Variants in MYH1 observed in about 807,000 individuals in gnomAD.
MYH1 encodes myosin heavy chain 1.
A neutral mutation model predicts 225.6 loss-of-function variants in MYH1; 214 were observed. The ratio of observed to expected loss-of-function variants is 0.95; its 90% confidence interval spans 0.85 to 1.06. The LOEUF (loss-of-function observed/expected upper bound fraction) is 1.06, where lower values mean the gene tolerates loss of function less well. Among genes scored for constraint, MYH1 ranks in the 50% least tolerant of loss-of-function variants. MYH1 has a pLI of 0.00. For synonymous variants in MYH1, 774 were observed against 842.3 expected (o/e 0.92, Z 1.40); for missense variants, 2,098 against 2,344.2 (o/e 0.89, Z 2.17).
chr17:10,515,471 A>G (rs1440367138), intron 5 of MYH1, among the ~76,000 whole-genome samples: 1 of 152,204 alleles, frequency 6.6e-6, no homozygotes, highest in African/African-American at 2.4e-5. Context: ...ATTATATCTG[A>G]GATGTACTCT....
chr17:10,504,694 G>A, intron 22 of MYH1, 116 bp downstream of exon 22: 5 of 1,182,972 alleles, frequency 4.2e-6, no homozygotes, highest in Non-Finnish European at 5.9e-6. Flanking sequence ...AAGGAGTTGT[G>A]GATTATTAAA....
chr17:10,512,670 G>C lies in MYH1; in HGVS notation c.1008+11C>G. On this transcript the variant is annotated intron_variant, in intron 11 of 39. Transcript: ENST00000226207. The stretch of plus-strand genomic sequence containing the variant: ...TAATGGATTTTAAATTAAAATTCAT[G>C]TATAACTTACATCTGTAGCCATCAA... 1 of 1,612,926 alleles carries C rather than the reference G, an allele frequency of 6.2e-7. No homozygotes were observed. Among genetic ancestry groups the C allele is most frequent in the South Asian group, 1.1e-5 (1 of 91,056 alleles).
At position 10,496,371 on chromosome 17, in the gene MYH1, C is replaced by T; in HGVS notation, c.4835G>A (p.Arg1612Lys). 1 of 1,614,064 alleles carries T rather than the reference C, an allele frequency of 6.2e-7. No individual in the cohort carries two copies. The change falls in exon 34 of 40, where the codon AGG (arginine) becomes AAG (lysine). Residue 1612 changes from arginine (R) to lysine (K), a missense_variant. Coordinates refer to ENST00000226207, the MANE Select transcript of MYH1 (RefSeq NM_005963.4). ...QSTLDAEIRS[R>K]NDAIRLKKKM... ...CTTCTTGAGCCTAATGGCATCATTCCTGCTCCTGATCTCAGCATCCAGTGT... is the reference window on the plus strand; with the variant it reads ...CTTCTTGAGCCTAATGGCATCATTCTTGCTCCTGATCTCAGCATCCAGTGT...
At chr17:10,497,042 T>G (rs763280334) in intron 33 of MYH1, 27 bp downstream of exon 33, 9 of 1,606,314 alleles carry the variant, frequency 5.6e-6, no homozygotes, top group Non-Finnish European at 6.8e-6. Flanking sequence ...CTTCTAATTG[T>G]TTTAGAGTAT....
At chr17:10,507,839 C>T in intron 17 of MYH1, 47 bp downstream of exon 17, 1 of 1,509,642 alleles carries the variant, frequency 6.6e-7, no homozygotes, top group Non-Finnish European at 9.2e-7. Context: ...CCATAGAGTA[C>T]ATTTAATATC....
intron 17 of MYH1, among the ~76,000 whole-genome samples, chr17:10,506,600 C>T (rs1012490423): frequency 1.3e-5 from 2 of 151,978 alleles, no homozygotes; most frequent in African/African-American, 4.8e-5. Flanking sequence ...TCAAACAATT[C>T]TCCTGCCTTA....
In MYH1 at chr17:10,505,525, A is replaced by G; in HGVS notation, c.2175-14T>C. On this transcript the variant is annotated splice_polypyrimidine_tract_variant and intron_variant, in intron 19 of 39. Transcript: ENST00000226207. ...AACACCTTGTATCTGTTTAAGCCAG[A>G]CAAAAAAATGATATGGCTGTTGCCA... The G allele has an allele frequency of 6.2e-7, 1 of 1,610,506 alleles. No homozygotes were observed. Among genetic ancestry groups the G allele is most frequent in the Non-Finnish European group, 8.5e-7 (1 of 1,178,692 alleles).
intron 39 of MYH1, 21 bp from the exon 40 acceptor site, chr17:10,492,589 A>G (rs79197184): frequency 2.6e-5 from 42 of 1,594,546 alleles, no homozygotes; most frequent in Non-Finnish European, 3.4e-5. Flanking sequence ...AAATCCATTT[A>G]TGAGGGAAGA....
At chr17:10,511,685 C>T (rs189278110) in intron 14 of MYH1, among the ~76,000 whole-genome samples, 154 bp downstream of exon 14, 24 of 152,280 alleles carry the variant, frequency 1.6e-4, no homozygotes, top group Admixed American at 9.2e-4. Context: ...CTTCCTTTCA[C>T]GGTCTTTTGG....
At chr17:10,498,872 T>G (rs1244153426) in intron 29 of MYH1, 50 bp from the exon 30 acceptor site, 9 of 1,609,580 alleles carry the variant, frequency 5.6e-6, no homozygotes, top group Non-Finnish European at 7.6e-6. Context: ...AAAGTGATGT[T>G]TGATTCCTGA....
At position 10,495,287 on chromosome 17, in the gene MYH1, GCTT is replaced by G; in HGVS notation, c.5197_5199del (p.Lys1733del). 1.2e-6 allele frequency: 2 copies of G among 1,614,092 alleles called. No individual in the cohort carries two copies. On this transcript the variant is annotated inframe_deletion, in exon 36 of 40. Coordinates refer to ENST00000226207, the MANE Select transcript of MYH1 (RefSeq NM_005963.4). ...TGGATTTGGGAAATGTCTGTCTCCA[GCTT>G]CTTCTTGGTGTTGATCAGGCTGGTG...
At chr17:10,500,788 A>G (rs373026058) in intron 27 of MYH1, 36 bp from the exon 28 acceptor site, 15 of 1,613,706 alleles carry the variant, frequency 9.3e-6, no homozygotes, top group Non-Finnish European at 1.3e-5. Context: ...ATCTCAAGTA[A>G]GTAGTTGGAC....
rs772505014 is a variant in MYH1 at position 10,509,512 on chromosome 17, C to A, written c.1560G>T (p.Leu520=). 13 of 1,614,140 alleles carry A rather than the reference C, an allele frequency of 8.1e-6. No homozygotes were observed. The African/African-American group carries it at 9.3e-5, about 12-fold the overall frequency. The change falls in exon 15 of 40, where the codon CTG becomes CTT. Residue 520 remains leucine, a synonymous_variant. Coordinates refer to ENST00000226207, the MANE Select transcript of MYH1 (RefSeq NM_005963.4). The stretch of plus-strand genomic sequence containing the variant: ...TCTCGATGAGCTCGATGCAGGCAGC[C>A]AGGTCCATCCCAAAGTCAATGAACG... ...EWTFIDFGMD[L]AACIELIEKP... is the part of the protein sequence containing the mutation.
chr17:10,509,849 C>G (rs1308938994), intron 14 of MYH1, among the ~76,000 whole-genome samples, 194 bp from the exon 15 acceptor site: 1 of 152,112 alleles, frequency 6.6e-6, no homozygotes, highest in Non-Finnish European at 1.5e-5. Context: ...TCAACAAGCT[C>G]TGAATGATGC....
Position 10,507,961 on chromosome 17 carries a change from G to A in MYH1, c.1898-5C>T. 6.2e-7 allele frequency: 1 copy of A among 1,611,510 alleles called. No individual in the cohort carries two copies. The highest frequency in any genetic ancestry group is 8.5e-7 in the Non-Finnish European group (1 of 1,178,364). On this transcript the variant is annotated splice_polypyrimidine_tract_variant and splice_region_variant and intron_variant, in intron 16 of 39. Transcript: ENST00000226207. ...CTTTCTTTCCACCGCCAGCCTCTGA[G>A]GGGAAAAAGAAAGCAATCATAGGAC... is the stretch of plus-strand genomic sequence containing the variant.
In MYH1 at chr17:10,497,792, A is replaced by T. The variant is rs1340267248; in HGVS notation, c.4307T>A (p.Val1436Asp). 2 of 1,614,202 alleles carry T rather than the reference A, an allele frequency of 1.2e-6. No individual in the cohort carries two copies. The highest frequency in any genetic ancestry group is 1.7e-6 in the Non-Finnish European group (2 of 1,180,038). The change falls in exon 31 of 40, where the codon GTT (valine) becomes GAT (aspartate). Residue 1436 changes from valine to aspartate, a missense_variant. By Grantham distance (152) the Val-to-Asp change is radical (BLOSUM62 -3). Transcript: ENST00000226207. The part of the protein sequence containing the change: ...QNEVEDLMID[V>D]ERTNAACAAL... ...GGCACAGGCAGCATTTGTCCTCTCA[A>T]CATCAATCATGAGGTCCTCAACTTC...
intron 4 of MYH1, 37 bp from the exon 5 acceptor site, chr17:10,516,119 G>C (rs1175532402): frequency 2.5e-6 from 4 of 1,613,402 alleles, no homozygotes; most frequent in Non-Finnish European, 3.4e-6. Context: ...AGAATTATTT[G>C]ATGGGGACCT....
At chr17:10,499,251 A>G (rs1032056266) in intron 28 of MYH1, among the ~76,000 whole-genome samples, 159 bp from the exon 29 acceptor site, 1 of 152,240 alleles carries the variant, frequency 6.6e-6, no homozygotes, top group Non-Finnish European at 1.5e-5. Context: ...AAGCAGATCC[A>G]TGTAAAAATT....
At chr17:10,512,021 G>A in intron 13 of MYH1, 33 bp from the exon 14 acceptor site, 1 of 1,614,130 alleles carries the variant, frequency 6.2e-7, no homozygotes, top group Middle Eastern at 1.7e-4. Flanking sequence ...TGTTATTAAA[G>A]ACATGTCATG....
Sources: gnomAD v4.1 joint callset for allele counts (sites outside exome capture counted in the v4.1 genomes callset) on GRCh38, gnomAD v4.1.1 for gene constraint, MANE v1.5 for transcripts, NCBI Gene and HGNC (gene_info 2026-07-23, HGNC 2026-07-21) for gene names.